Variants in RBFOX1 observed in about 807,000 individuals in gnomAD.
RBFOX1 encodes RNA binding protein fox-1 homolog 1.
A neutral mutation model predicts 57.7 loss-of-function variants in RBFOX1; 8 were observed. The observed-to-expected ratio is 0.14, with a 90% CI of 0.08 to 0.25. The LOEUF (loss-of-function observed/expected upper bound fraction) is 0.25, where lower values mean the gene tolerates loss of function less well. Among genes scored for constraint, RBFOX1 ranks in the 10% least tolerant of loss-of-function variants. RBFOX1 has a pLI of 1.00. For synonymous variants in RBFOX1, 326 were observed against 222.4 expected, an observed-to-expected ratio of 1.47 and a Z score of -4.15; for missense variants, 611 against 548.5, an observed-to-expected ratio of 1.11 and a Z score of -1.14.
At chr16:6,892,209 C>A (rs949309172) in intron 3 of RBFOX1, among the ~76,000 whole-genome samples, 2 of 152,258 alleles carry the variant, frequency 1.3e-5, no homozygotes, top group Admixed American at 6.5e-5. Flanking sequence ...TTTGGCCAAG[C>A]AGAACTTCCC....
intron 3 of RBFOX1, among the ~76,000 whole-genome samples, chr16:6,835,905 G>C (rs1420324647): frequency 1.3e-5 from 2 of 152,084 alleles, no homozygotes; most frequent in East Asian, 3.9e-4. Context: ...CAAAGAAAGA[G>C]AGGATCATAT....
chr16:5,605,987 C>G (rs1029941357), intron 3 of RBFOX1, among the ~76,000 whole-genome samples: 6 of 152,146 alleles, frequency 3.9e-5, no homozygotes, highest in African/African-American at 1.4e-4. Flanking sequence ...ACAGGCATAG[C>G]TTTCCTCCCT....
chr16:7,166,589 G>A (rs1297825301), intron 4 of RBFOX1, among the ~76,000 whole-genome samples: 1 of 152,110 alleles, frequency 6.6e-6, no homozygotes, highest in Non-Finnish European at 1.5e-5. Flanking sequence ...ATCGGTTATG[G>A]GCTGTGTGCC....
chr16:7,189,733 C>T (rs545555308), intron 4 of RBFOX1, among the ~76,000 whole-genome samples: 8 of 152,198 alleles, frequency 5.3e-5, no homozygotes, highest in Non-Finnish European at 1.0e-4. Flanking sequence ...CAGCAGTTCC[C>T]GTGGTTCCCA....
chr16:5,677,434 A>C (rs1697830618), intron 3 of RBFOX1, among the ~76,000 whole-genome samples: 1 of 152,214 alleles, frequency 6.6e-6, no homozygotes, highest in Non-Finnish European at 1.5e-5. Context: ...TGTTTACAGT[A>C]GATAAATGGG....
chr16:6,898,970 T>C (rs2067713336), intron 3 of RBFOX1, among the ~76,000 whole-genome samples: 1 of 151,504 alleles, frequency 6.6e-6, no homozygotes, highest in Admixed American at 6.6e-5. Context: ...TGTATGTGTA[T>C]GATGTGTGTA....
At chr16:7,157,344 G>A (rs1274041303) in intron 4 of RBFOX1, among the ~76,000 whole-genome samples, 1 of 151,912 alleles carries the variant, frequency 6.6e-6, no homozygotes. Flanking sequence ...TGTAATATGA[G>A]ATACCATTTC....
chr16:5,561,665 C>G (rs1038594548), intron 2 of RBFOX1, among the ~76,000 whole-genome samples: 2 of 152,094 alleles, frequency 1.3e-5, no homozygotes, highest in Non-Finnish European at 2.9e-5. Flanking sequence ...AATAATATGA[C>G]TTAATGCTCT....
At chr16:7,688,336 G>A (rs983994518) in intron 14 of RBFOX1, among the ~76,000 whole-genome samples, 5 of 150,488 alleles carry the variant, frequency 3.3e-5, no homozygotes, top group Non-Finnish European at 5.9e-5. Flanking sequence ...GAGTGATATC[G>A]ATCCTGAGAT....
At chr16:5,834,624 T>TAGATA (rs1278287557) in intron 3 of RBFOX1, among the ~76,000 whole-genome samples, 1 of 125,814 alleles carries the variant, frequency 7.9e-6, no homozygotes, top group African/African-American at 3.1e-5. Context: ...ATAGATAGAT[T>TAGATA]GACTGATTTG....
intron 4 of RBFOX1, among the ~76,000 whole-genome samples, chr16:5,941,993 C>A (rs1037860362): frequency 6.6e-6 from 1 of 151,598 alleles, no homozygotes; most frequent in East Asian, 1.9e-4. Context: ...GACACTGAAA[C>A]CTGAGTGGAG....
At chr16:6,931,259 C>CAA (rs547697510) in intron 3 of RBFOX1, among the ~76,000 whole-genome samples, 1,539 of 137,570 alleles carry the variant, frequency 0.011, 24 homozygotes, top group African/African-American at 0.038. Flanking sequence ...TTGGTGCTAC[C>CAA]AAAAAAAAAA....
At chr16:6,998,464 G>A (rs1318418185) in intron 3 of RBFOX1, among the ~76,000 whole-genome samples, 1 of 152,206 alleles carries the variant, frequency 6.6e-6, no homozygotes, top group African/African-American at 2.4e-5. Flanking sequence ...GTTAGACAAG[G>A]TTTTAGGGAA....
rs144364963 is a variant in RBFOX1, at chr16:6,592,951, G to A, written c.-63-61652G>A. ...CTCATGCCTGTAATCCCAGCACCTT[G>A]GGAGGCTGAGGCAAGCGGATCATCT... On this transcript the variant is annotated intron_variant, in intron 2 of 15. Coordinates refer to ENST00000550418, the MANE Select transcript of RBFOX1 (RefSeq NM_018723.4). Among the ~76,000 whole-genome samples, 602 of 152,264 alleles carry A rather than the reference G, an allele frequency of 4.0e-3. 4 individuals carry two copies. The highest frequency in any genetic ancestry group is 0.014 in the African/African-American group (577 of 41,548).
chr16:5,691,833 C>T (rs908265972), intron 3 of RBFOX1, among the ~76,000 whole-genome samples: 1 of 152,084 alleles, frequency 6.6e-6, no homozygotes, highest in Non-Finnish European at 1.5e-5. Context: ...CTGAGACTGT[C>T]CCACAAATAG....
chr16:5,685,547 A>C (rs1349812719), intron 3 of RBFOX1, among the ~76,000 whole-genome samples: 1 of 152,244 alleles, frequency 6.6e-6, no homozygotes, highest in Non-Finnish European at 1.5e-5. Flanking sequence ...ATGCAGTTGC[A>C]TTATTAGCTT....
intron 4 of RBFOX1, among the ~76,000 whole-genome samples, chr16:7,425,255 C>G (rs532135376): frequency 5.5e-4 from 84 of 152,284 alleles, no homozygotes; most frequent in African/African-American, 2.0e-3. Flanking sequence ...TTACAACACA[C>G]TGAATGAGAG....
chr16:7,159,656 C>T (rs938384025), intron 4 of RBFOX1, among the ~76,000 whole-genome samples: 5 of 152,134 alleles, frequency 3.3e-5, no homozygotes, highest in Admixed American at 6.5e-5. Flanking sequence ...TTCTGGAGAG[C>T]GCACAATTTG....
At chr16:6,821,778 G>C (rs144287651) in intron 3 of RBFOX1, among the ~76,000 whole-genome samples, 23 of 152,252 alleles carry the variant, frequency 1.5e-4, no homozygotes, top group African/African-American at 5.1e-4. Flanking sequence ...TTCATTGATA[G>C]ACATTTGGGT....
Sources: gnomAD v4.1 joint callset for allele counts (sites outside exome capture counted in the v4.1 genomes callset) on GRCh38, gnomAD v4.1.1 for gene constraint, MANE v1.5 for transcripts, NCBI Gene and HGNC (gene_info 2026-07-23, HGNC 2026-07-21) for gene names.